The following KHDRBS3 variants were observed in gnomAD, a reference collection of about 807,000 sequenced individuals.
KHDRBS3 encodes the protein KH RNA binding domain containing, signal transduction associated 3.
In KHDRBS3, 23 loss-of-function variants were observed where a neutral mutation model predicts 45.6. The ratio of observed to expected loss-of-function variants is 0.50; its 90% CI spans 0.36 to 0.72. The LOEUF is 0.72. KHDRBS3 is among the 30% of genes least tolerant of loss of function. The pLI is 0.00. For synonymous variants in KHDRBS3, 162 were observed against 156.5 expected (o/e 1.04, Z -0.26); for missense variants, 352 against 424.8 (o/e 0.83, Z 1.51).
intron 6 of KHDRBS3, among the ~76,000 whole-genome samples, chr8:135,591,388 C>T (rs149283417): frequency 6.6e-6 from 1 of 152,346 alleles, no homozygotes; most frequent in East Asian, 1.9e-4. Context: ...CATAGGACAG[C>T]TACCTTTGGT....
chr8:135,605,571 T>G (rs1363744115), intron 6 of KHDRBS3, among the ~76,000 whole-genome samples: 1 of 152,220 alleles, frequency 6.6e-6, no homozygotes, highest in Non-Finnish European at 1.5e-5. Context: ...TATTGTTTGA[T>G]TCCTTGACTA....
chr8:135,568,304 G>T (rs1472007584), intron 5 of KHDRBS3, among the ~76,000 whole-genome samples: 2 of 152,008 alleles, frequency 1.3e-5, no homozygotes, highest in African/African-American at 4.8e-5. Context: ...AAAAAATAGG[G>T]TAACTCACTG....
intron 7 of KHDRBS3, among the ~76,000 whole-genome samples, chr8:135,634,126 A>G (rs1428696789): frequency 5.9e-5 from 9 of 152,218 alleles, no homozygotes; most frequent in African/African-American, 2.2e-4. Context: ...ATTCTGTTGT[A>G]AACTGGGATT....
At chr8:135,649,702 C>G (rs1312014629), downstream of KHDRBS3, among the ~76,000 whole-genome samples, 3 of 151,908 alleles carry the variant, frequency 2.0e-5, no homozygotes, top group African/African-American at 7.3e-5. Flanking sequence ...CAATTTTTTT[C>G]TTTATTAAAT....
chr8:135,472,692 G>C (rs145958249), intron 1 of KHDRBS3, among the ~76,000 whole-genome samples: 2 of 152,204 alleles, frequency 1.3e-5, no homozygotes. Flanking sequence ...GGAGAATGGC[G>C]TGCTCAGCTC....
intron 4 of KHDRBS3, among the ~76,000 whole-genome samples, chr8:135,655,603 G>A (rs1831516278): frequency 6.6e-6 from 1 of 152,224 alleles, no homozygotes; most frequent in African/African-American, 2.4e-5. Flanking sequence ...CATCGGCGAT[G>A]TCCTGAGTTG....
intron 2 of KHDRBS3, among the ~76,000 whole-genome samples, chr8:135,536,567 T>G (rs1053629869): frequency 6.6e-6 from 1 of 152,016 alleles, no homozygotes; most frequent in African/African-American, 2.4e-5. Context: ...TTGAAGGAGA[T>G]GGAAGTGGAT....
chr8:135,585,655 T>C (rs188681328), intron 6 of KHDRBS3, among the ~76,000 whole-genome samples: 1 of 152,360 alleles, frequency 6.6e-6, no homozygotes, highest in Admixed American at 6.5e-5. Context: ...TTTTCAGTTT[T>C]ATTCACATAG....
chr8:135,481,441 C>T (rs1299688746), intron 1 of KHDRBS3, among the ~76,000 whole-genome samples: 2 of 126,954 alleles, frequency 1.6e-5, no homozygotes, highest in African/African-American at 2.5e-5. Flanking sequence ...CTGCATACCT[C>T]TGTCATAGTC....
chr8:135,626,465 G>T (rs990514196), intron 7 of KHDRBS3, among the ~76,000 whole-genome samples: 1 of 152,186 alleles, frequency 6.6e-6, no homozygotes, highest in Admixed American at 6.5e-5. Flanking sequence ...GGCCATTGCT[G>T]AAGCTTCCTG....
Position 135,582,012 on chromosome 8 carries a change from T to C in KHDRBS3, c.746T>C (p.Val249Ala). 1 of 1,610,440 alleles carries C rather than the reference T, an allele frequency of 6.2e-7. No homozygotes were observed. Among genetic ancestry groups the C allele is most frequent in the Non-Finnish European group, 8.5e-7 (1 of 1,178,404 alleles). The stretch of plus-strand genomic sequence containing the variant: ...CTTCTCACTCCCAGAGCAAGAGGAG[T>C]CCCCCCAACTGGGTACAGACCTCCA... ...RGLLTPRARG[V>A]PPTGYRPPPP... The change falls in exon 6 of 9, where the codon GTC (valine) becomes GCC (alanine). Residue 249 changes from valine (V) to alanine (A), a missense_variant. Physicochemically the swap from Val to Ala is moderately conservative, Grantham distance 64 (BLOSUM62 0). Around this residue, in one of 6 missense-constraint regions of KHDRBS3, gnomAD observed 212 missense variants for 209.6 expected, o/e 1.01. Coordinates refer to ENST00000355849, the MANE Select transcript of KHDRBS3 (RefSeq NM_006558.3).
intron 6 of KHDRBS3, among the ~76,000 whole-genome samples, chr8:135,586,146 A>G (rs1457606730): frequency 2.0e-5 from 3 of 152,174 alleles, no homozygotes; most frequent in East Asian, 1.9e-4. Context: ...GCACTTTGAT[A>G]TATGTCACGT....
chr8:135,618,766 T>C (rs149567424), intron 7 of KHDRBS3, among the ~76,000 whole-genome samples: 3 of 152,214 alleles, frequency 2.0e-5, no homozygotes, highest in Non-Finnish European at 2.9e-5. Context: ...TCCACTTCGC[T>C]GTGTATGTGA....
rs1379487840 is a variant in KHDRBS3 at position 135,486,113 on chromosome 8, A to G, written c.88+28159A>G. The stretch of plus-strand genomic sequence containing the variant: ...AGGCACTCCTGGACTCATCCTCTTC[A>G]TGTGGTCTAATGGTTTGAGAAGCGA... On this transcript the variant is annotated intron_variant, in intron 1 of 8. Coordinates refer to ENST00000355849, the MANE Select transcript of KHDRBS3 (RefSeq NM_006558.3). Among the ~76,000 whole-genome samples the G allele has an allele frequency of 2.6e-5, 4 of 152,052 alleles. No homozygotes were observed. In the East Asian group the frequency reaches 7.7e-4, roughly 29 times the overall value.
intron 1 of KHDRBS3, among the ~76,000 whole-genome samples, chr8:135,482,711 G>A (rs1408588691): frequency 6.6e-6 from 1 of 152,114 alleles, no homozygotes; most frequent in Non-Finnish European, 1.5e-5. Context: ...TGATAGAATG[G>A]ATATAAAATG....
intron 1 of KHDRBS3, among the ~76,000 whole-genome samples, chr8:135,507,431 CAGT>C (rs1220459508): frequency 2.6e-5 from 4 of 152,158 alleles, no homozygotes; most frequent in Admixed American, 1.3e-4. Flanking sequence ...AGTCTGTTTT[CAGT>C]AGATTTGGCA....
chr8:135,580,605 CTT>C (rs11405340), intron 5 of KHDRBS3, among the ~76,000 whole-genome samples: 2 of 128,864 alleles, frequency 1.6e-5, no homozygotes, highest in Admixed American at 8.1e-5. Flanking sequence ...CTCTCTCTCT[CTT>C]TTTTTTTTTT....
At position 135,552,977 on chromosome 8, in the gene KHDRBS3, C is replaced by T. The variant is rs527735067; in HGVS notation, c.471+4077C>T. 5.9e-5 allele frequency among the ~76,000 whole-genome samples: 9 copies of T among 152,204 alleles called. No individual in the cohort carries two copies. The South Asian group carries it at 1.5e-3, about 25-fold the overall frequency. ...GTTGCTCTGGGATGCCTCCTGTCTC[C>T]GCTGCATATATGTGCACTCACCTTC... On this transcript the variant is annotated intron_variant, in intron 4 of 8. Transcript: ENST00000355849.
At chr8:135,575,660 TA>T (rs1246326358) in intron 5 of KHDRBS3, among the ~76,000 whole-genome samples, 1 of 152,192 alleles carries the variant, frequency 6.6e-6, no homozygotes, top group East Asian at 1.9e-4. Flanking sequence ...TTTTTTTTTT[TA>T]ATGTACTTAG....
Sources: allele counts gnomAD v4.1 joint callset (sites outside exome capture counted in the v4.1 genomes callset), GRCh38; gene constraint gnomAD v4.1.1; regional missense constraint gnomAD v4.1.1; transcripts MANE v1.5; gene names NCBI Gene and HGNC (gene_info 2026-07-23, HGNC 2026-07-21).